The following ATRN variants were observed in gnomAD, a reference collection of about 807,000 sequenced individuals.
The protein encoded by ATRN is attractin-2.
A neutral mutation model predicts 178.7 loss-of-function variants in ATRN; 54 were observed. The ratio of observed to expected loss-of-function variants is 0.30; its 90% CI spans 0.24 to 0.38. The LOEUF is 0.38. Ranked by LOEUF, ATRN falls within the 10% of genes least tolerant of loss-of-function variation. The pLI is 1.00. For missense variants in ATRN, 1,443 were observed against 1,815.1 expected (o/e 0.79, Z 3.73); for synonymous variants, 636 against 663.0 (o/e 0.96, Z 0.63).
chr20:3,551,784 G>T (rs2085790982), intron 6 of ATRN, among the ~76,000 whole-genome samples: 1 of 152,052 alleles, frequency 6.6e-6, no homozygotes, highest in African/African-American at 2.4e-5. Context: ...ATAAAGGTCA[G>T]AAAATGATTT....
chr20:3,604,950 A>G (rs1044170286), intron 24 of ATRN, among the ~76,000 whole-genome samples: 3 of 151,984 alleles, frequency 2.0e-5, no homozygotes, highest in African/African-American at 7.3e-5. Flanking sequence ...TTTTATACTC[A>G]TGTCACCTGG....
chr20:3,574,119 T>G (rs2086170415), intron 12 of ATRN, among the ~76,000 whole-genome samples: 1 of 152,236 alleles, frequency 6.6e-6, no homozygotes, highest in Non-Finnish European at 1.5e-5. Context: ...CTAGTAGGAT[T>G]GGTGTTGCAG....
At chr20:3,598,396 A>C (rs2086561420) in intron 22 of ATRN, among the ~76,000 whole-genome samples, 1 of 151,674 alleles carries the variant, frequency 6.6e-6, no homozygotes. Context: ...CCAATCAGAC[A>C]GCAAGGGAGG....
intron 1 of ATRN, among the ~76,000 whole-genome samples, chr20:3,521,447 A>C (rs1319410828): frequency 6.6e-6 from 1 of 152,260 alleles, no homozygotes; most frequent in Admixed American, 6.5e-5. Context: ...AGAAGACAGA[A>C]CAGTCCTGCA....
At chr20:3,544,472 G>T (rs2085669340) in intron 3 of ATRN, among the ~76,000 whole-genome samples, 1 of 152,106 alleles carries the variant, frequency 6.6e-6, no homozygotes, top group Admixed American at 6.5e-5. Context: ...GTAGGGCCTG[G>T]CAAGGATATA....
At chr20:3,539,638 G>A (rs1358606071) in intron 2 of ATRN, among the ~76,000 whole-genome samples, 1 of 152,158 alleles carries the variant, frequency 6.6e-6, no homozygotes, top group Non-Finnish European at 1.5e-5. Flanking sequence ...CAGAATCTAA[G>A]TGCCATTTGC....
At position 3,543,118 on chromosome 20, in the gene ATRN, A is replaced by G. The variant is rs118095030; in HGVS notation, c.609-2644A>G. On this transcript the variant is annotated intron_variant, in intron 3 of 28. Coordinates refer to ENST00000262919, the MANE Select transcript of ATRN (RefSeq NM_139321.3). The stretch of plus-strand genomic sequence containing the variant: ...AAGAGGCCTTCCTTTCACCCTTTCT[A>G]AAGTAGCACCTTCTGTTCTTTCCCT... Among the ~76,000 whole-genome samples the G allele has an allele frequency of 3.1e-3, 465 of 152,228 alleles. 2 individuals carry two copies. The highest frequency in any genetic ancestry group is 0.018 in the South Asian group (87 of 4,824).
At chr20:3,490,789 C>T in intron 1 of ATRN, 4 of 793,300 alleles carry the variant, frequency 5.0e-6, no homozygotes, top group Non-Finnish European at 9.3e-6. Flanking sequence ...TCACTGGGTC[C>T]TGAAATGGCA....
At chr20:3,636,655 T>C (rs986279037) in intron 26 of ATRN, among the ~76,000 whole-genome samples, 1 of 152,196 alleles carries the variant, frequency 6.6e-6, no homozygotes, top group Admixed American at 6.5e-5. Context: ...CTAATCCTTA[T>C]CTCAAACCTA....
At chr20:3,521,948 A>AT (rs561224932) in intron 1 of ATRN, among the ~76,000 whole-genome samples, 13,756 of 145,520 alleles carry the variant, frequency 0.095, 998 homozygotes, top group African/African-American at 0.21. Flanking sequence ...CATTCAGCTA[A>AT]TTTTTTTTTT....
chr20:3,576,860 T>C lies in ATRN; in HGVS notation c.2216T>C (p.Ile739Thr), dbSNP rs751702990. 8.1e-6 allele frequency: 13 copies of C among 1,613,970 alleles called. No homozygotes were observed. Residue 739 changes from isoleucine to threonine, a missense_variant and splice_region_variant, in exon 14 of 29, where the codon ATC becomes ACC. Transcript: ENST00000262919. ...PRNHSCSEGQ[I>T]SIFRYENCPK... Reference sequence around the variant, plus strand: ...AAGCTTTTGTCCACTGTGTTCTAGATCTCCATTTTTAGGTATGAGAATTGC... The same window carrying C: ...AAGCTTTTGTCCACTGTGTTCTAGACCTCCATTTTTAGGTATGAGAATTGC...
chr20:3,585,297 C>G (rs1020163130), intron 18 of ATRN, among the ~76,000 whole-genome samples: 1 of 152,102 alleles, frequency 6.6e-6, no homozygotes, highest in East Asian at 1.9e-4. Context: ...GCTAAAAGGG[C>G]AGAGACAGAC....
In ATRN at chr20:3,572,044, A is replaced by G. The variant is rs183274777; in HGVS notation, c.1872-687A>G. Among the ~76,000 whole-genome samples, 414 of 152,274 alleles carry G rather than the reference A, an allele frequency of 2.7e-3. 1 individual carries two copies. The highest frequency in any genetic ancestry group is 9.6e-3 in the African/African-American group (400 of 41,546). On this transcript the variant is annotated intron_variant, in intron 11 of 28. Transcript: ENST00000262919. ...TTTCCATATGTTTAGTTATCTTGATACCATTTACTAAAAAGAACATCTTTT... is the reference window on the plus strand; with the variant it reads ...TTTCCATATGTTTAGTTATCTTGATGCCATTTACTAAAAAGAACATCTTTT...
At chr20:3,499,565 G>C (rs1053681321) in intron 1 of ATRN, among the ~76,000 whole-genome samples, 5 of 151,660 alleles carry the variant, frequency 3.3e-5, no homozygotes, top group East Asian at 3.9e-4. Context: ...ACAAACCTGA[G>C]AAAAACAAGC....
intron 16 of ATRN, among the ~76,000 whole-genome samples, chr20:3,583,015 C>T (rs1035085718): frequency 4.6e-5 from 7 of 152,088 alleles, no homozygotes; most frequent in South Asian, 2.1e-4. Context: ...CACAAGCAGT[C>T]GGTGGAATTG....
intron 1 of ATRN, among the ~76,000 whole-genome samples, chr20:3,531,034 C>A (rs76922399): frequency 0.017 from 2,513 of 152,266 alleles, 28 homozygotes; most frequent in Middle Eastern, 0.037. Context: ...GTGTGACTGC[C>A]AGTGAACTAG....
intron 1 of ATRN, among the ~76,000 whole-genome samples, chr20:3,492,803 T>C (rs975119905): frequency 2.0e-5 from 3 of 150,326 alleles, no homozygotes; most frequent in African/African-American, 4.9e-5. Context: ...TTTTTGCTGC[T>C]GTACTGTCCA....
chr20:3,495,968 CT>C (rs1203690136), intron 1 of ATRN, among the ~76,000 whole-genome samples: 9 of 152,050 alleles, frequency 5.9e-5, no homozygotes, highest in South Asian at 2.1e-4. Context: ...GGAGGCTAGA[CT>C]TCTGAATGTA....
intron 28 of ATRN, among the ~76,000 whole-genome samples, chr20:3,646,244 CTGAG>C (rs2087107056): frequency 6.6e-6 from 1 of 152,160 alleles, no homozygotes; most frequent in Non-Finnish European, 1.5e-5. Flanking sequence ...CTAATGCTGA[CTGAG>C]TGATAGGGGT....
Sources: allele counts gnomAD v4.1 joint callset (sites outside exome capture counted in the v4.1 genomes callset), GRCh38; gene constraint gnomAD v4.1.1; transcripts MANE v1.5; gene names NCBI Gene and HGNC (gene_info 2026-07-23, HGNC 2026-07-21).